Variants in CA10 observed in about 807,000 individuals in gnomAD.
The protein encoded by CA10 is carbonic anhydrase 10 (inactive).
In CA10, 14 loss-of-function variants were observed where a neutral mutation model predicts 44.2. That is an observed-to-expected ratio of 0.32 (90% CI 0.21 to 0.50). The LOEUF is 0.50. Among genes scored for constraint, CA10 ranks in the 20% least tolerant of loss-of-function variants. The pLI, the probability that CA10 is intolerant of heterozygous loss-of-function variation, is 0.99. For synonymous variants in CA10, 159 were observed against 141.6 expected (o/e 1.12, Z -0.87); for missense variants, 350 against 409.7 (o/e 0.85, Z 1.26).
At chr17:51,653,809 T>A in intron 4 of CA10, 73 bp from the exon 5 acceptor site, 1 of 838,774 alleles carries the variant, frequency 1.2e-6, no homozygotes, top group Non-Finnish European at 2.1e-6. Flanking sequence ...CACCTGCCCC[T>A]ACATAAGGGT....
At chr17:51,928,404 A>G (rs1008467134) in intron 3 of CA10, among the ~76,000 whole-genome samples, 1 of 152,108 alleles carries the variant, frequency 6.6e-6, no homozygotes, top group African/African-American at 2.4e-5. Context: ...TCTTGTACTG[A>G]GGTTGAATTT....
chr17:51,797,359 C>T (rs1372295190), intron 3 of CA10, among the ~76,000 whole-genome samples: 2 of 152,188 alleles, frequency 1.3e-5, no homozygotes, highest in African/African-American at 4.8e-5. Context: ...CGCACGCACG[C>T]GTGCACGCAC....
At chr17:51,977,809 T>A (rs1000902892) in intron 2 of CA10, among the ~76,000 whole-genome samples, 3 of 152,248 alleles carry the variant, frequency 2.0e-5, no homozygotes, top group African/African-American at 7.2e-5. Flanking sequence ...GAAAAATTCC[T>A]GTGAAACTAA....
chr17:51,832,772 A>G (rs1035624556), intron 3 of CA10, among the ~76,000 whole-genome samples: 2 of 152,192 alleles, frequency 1.3e-5, no homozygotes, highest in East Asian at 1.9e-4. Flanking sequence ...GATTGAAGAT[A>G]AGGATCACAT....
chr17:52,118,227 G>A (rs1479656002), intron 1 of CA10, among the ~76,000 whole-genome samples: 1 of 152,110 alleles, frequency 6.6e-6, no homozygotes, highest in Non-Finnish European at 1.5e-5. Flanking sequence ...TCTCTCCCTT[G>A]TACAAGATTT....
intron 4 of CA10, among the ~76,000 whole-genome samples, chr17:51,685,089 C>T (rs1014025158): frequency 1.4e-4 from 21 of 152,306 alleles, no homozygotes; most frequent in Non-Finnish European, 3.1e-4. Flanking sequence ...TGAGGACTCT[C>T]ATGCTAAAAA....
intron 4 of CA10, among the ~76,000 whole-genome samples, chr17:51,720,037 T>C (rs1361458435): frequency 6.6e-6 from 1 of 152,210 alleles, no homozygotes; most frequent in Non-Finnish European, 1.5e-5. Context: ...GAAAGGATGA[T>C]AATAATACTA....
intron 1 of CA10, among the ~76,000 whole-genome samples, chr17:52,147,387 A>T (rs1266241939): frequency 1.3e-5 from 2 of 152,066 alleles, no homozygotes; most frequent in East Asian, 3.9e-4. Flanking sequence ...GCATAAACAC[A>T]ACTCTCATTC....
intron 3 of CA10, among the ~76,000 whole-genome samples, chr17:51,844,988 C>T (rs368049425): frequency 1.3e-5 from 2 of 152,122 alleles, no homozygotes; most frequent in African/African-American, 4.8e-5. Context: ...GATACACCGA[C>T]AGAAGACAGC....
At chr17:51,882,724 C>T (rs752838404) in intron 3 of CA10, among the ~76,000 whole-genome samples, 7 of 152,160 alleles carry the variant, frequency 4.6e-5, no homozygotes, top group African/African-American at 1.2e-4. Flanking sequence ...AACAACTTCA[C>T]GGGTCTCTGC....
chr17:52,135,470 G>C (rs909968670), intron 1 of CA10, among the ~76,000 whole-genome samples: 2 of 152,046 alleles, frequency 1.3e-5, no homozygotes, highest in African/African-American at 2.4e-5. Flanking sequence ...CCCACAAATG[G>C]GCATGAAGTT....
chr17:52,041,550 C>T (rs1986769234), intron 2 of CA10, among the ~76,000 whole-genome samples: 1 of 152,068 alleles, frequency 6.6e-6, no homozygotes, highest in Non-Finnish European at 1.5e-5. Context: ...ATAAACACAT[C>T]TATTATCTCA....
chr17:51,827,097 A>T (rs909545070), intron 3 of CA10, among the ~76,000 whole-genome samples: 19 of 152,108 alleles, frequency 1.2e-4, no homozygotes, highest in African/African-American at 4.3e-4. Context: ...CAGCTACTCC[A>T]CCTGGCACTG....
At chr17:52,100,520 T>C (rs1988513843) in intron 1 of CA10, among the ~76,000 whole-genome samples, 1 of 152,076 alleles carries the variant, frequency 6.6e-6, no homozygotes, top group South Asian at 2.1e-4. Context: ...AAACTCTACA[T>C]GAAAGTGGGC....
chr17:51,705,944 G>T (rs1567810634), intron 4 of CA10, among the ~76,000 whole-genome samples: 1 of 152,170 alleles, frequency 6.6e-6, no homozygotes, highest in Non-Finnish European at 1.5e-5. Flanking sequence ...AAAAGCCCTA[G>T]AGGAAAAAGA....
intron 3 of CA10, among the ~76,000 whole-genome samples, chr17:51,773,033 C>A (rs562486019): frequency 6.6e-5 from 10 of 152,306 alleles, no homozygotes; most frequent in African/African-American, 2.4e-4. Context: ...ACCACCAGGC[C>A]ATAAGCTCCT....
At chr17:51,705,418 T>A (rs1373410631) in intron 4 of CA10, among the ~76,000 whole-genome samples, 1 of 152,124 alleles carries the variant, frequency 6.6e-6, no homozygotes, top group Non-Finnish European at 1.5e-5. Context: ...CCCACCAGCT[T>A]ACCACCCTCT....
chr17:51,649,363 CA>C, intron 5 of CA10, 109 bp from the exon 6 acceptor site: 3 of 823,108 alleles, frequency 3.6e-6, no homozygotes, highest in Non-Finnish European at 6.1e-6. Context: ...TACCATGAGC[CA>C]AACACAATGA....
At chr17:51,941,250 C>T (rs1444874326) in intron 2 of CA10, among the ~76,000 whole-genome samples, 2 of 152,114 alleles carry the variant, frequency 1.3e-5, no homozygotes, top group East Asian at 3.9e-4. Context: ...ATGGTTTCCT[C>T]CTCAATATTT....
Sources: allele counts gnomAD v4.1 joint callset (sites outside exome capture counted in the v4.1 genomes callset), GRCh38; gene constraint gnomAD v4.1.1; transcripts MANE v1.5; gene names NCBI Gene and HGNC (gene_info 2026-07-23, HGNC 2026-07-21).